ANO2: variants seen among roughly 807,000 people sequenced by gnomAD.
ANO2 encodes the protein anoctamin-2.
Under a neutral mutation model 124.2 loss-of-function variants are expected in ANO2, and 101 were observed. The ratio of observed to expected loss-of-function variants is 0.81; its 90% CI spans 0.69 to 0.96. The LOEUF (loss-of-function observed/expected upper bound fraction) is 0.96, where lower values mean the gene tolerates loss of function less well. Among genes scored for constraint, ANO2 ranks in the 40% least tolerant of loss-of-function variants. The pLI is 0.00. For missense variants in ANO2, 1,293 were observed against 1,274.5 expected (o/e 1.01, Z -0.22); for synonymous variants, 486 against 482.5 (o/e 1.01, Z -0.09).
chr12:5,627,723 C>T (rs149066872), intron 16 of ANO2, among the ~76,000 whole-genome samples: 344 of 152,336 alleles, frequency 2.3e-3, no homozygotes, highest in African/African-American at 8.0e-3. Flanking sequence ...TTTCCTCCTG[C>T]TCTTCTCTCC....
intron 10 of ANO2, 93 bp downstream of exon 10, chr12:5,799,414 G>T: frequency 1.8e-6 from 2 of 1,088,208 alleles, no homozygotes; most frequent in South Asian, 1.4e-5. Flanking sequence ...CCCTCCACTT[G>T]AGCAAAGGAC....
chr12:5,747,869 A>T (rs1951316314), intron 11 of ANO2, among the ~76,000 whole-genome samples: 1 of 152,058 alleles, frequency 6.6e-6, no homozygotes, highest in Non-Finnish European at 1.5e-5. Context: ...AACACCATCC[A>T]CTCTGACAGG....
At chr12:5,818,450 TATATATATATATATA>T (rs1565694010) in intron 7 of ANO2, among the ~76,000 whole-genome samples, 2 of 1,210 alleles carry the variant, frequency 1.7e-3, no homozygotes, top group Non-Finnish European at 6.1e-3. Context: ...ACTCATATTA[TATATATATATATATA>T]TATATATATA....
chr12:5,620,646 G>C (rs1272381211), intron 16 of ANO2, among the ~76,000 whole-genome samples: 7 of 152,020 alleles, frequency 4.6e-5, no homozygotes, highest in African/African-American at 1.5e-4. Context: ...GAATTCTATA[G>C]GAGTTGAACT....
In ANO2 at chr12:5,862,502, T is replaced by C. The variant is rs1955301081; in HGVS notation, c.535-8361A>G. Among the ~76,000 whole-genome samples, 1 of 152,136 alleles carries C rather than the reference T, an allele frequency of 6.6e-6. No homozygotes were observed. The highest frequency in any genetic ancestry group is 1.5e-5 in the Non-Finnish European group (1 of 68,024). ...CAGTCTCCACTCCGTGTATCACACA[T>C]CATTGCACTCCAACCAGAGGCAGCC... On this transcript the variant is annotated intron_variant, in intron 3 of 24. Transcript: ENST00000682330. This position sits in a 1 kb window ranked among gnomAD's most constrained non-coding sequence, Gnocchi z 4.0.
chr12:5,739,215 C>T, intron 13 of ANO2, 102 bp downstream of exon 13: 3 of 1,133,208 alleles, frequency 2.6e-6, no homozygotes, highest in South Asian at 1.3e-5. Context: ...CAGCCAGTGA[C>T]AGCAAACATA....
chr12:5,839,692 G>C, intron 4 of ANO2: 1 of 453,102 alleles, frequency 2.2e-6, no homozygotes, highest in Non-Finnish European at 4.4e-6. Context: ...TGTATGGAAT[G>C]TTTTGCAGTG....
Position 5,929,348 on chromosome 12 carries a change from G to A in ANO2, c.23-6544C>T, listed in dbSNP as rs1252709300. ...ACTAGTCTATCTTCTTTCCTCACTC[G>A]TCTGCCTTCTTTCCTTATTAGTCAC... On this transcript the variant is annotated intron_variant, in intron 1 of 24. Coordinates refer to ENST00000682330, the MANE Select transcript of ANO2 (RefSeq NM_001364791.2). Among the ~76,000 whole-genome samples the A allele has an allele frequency of 1.8e-4, 14 of 77,876 alleles. 1 individual carries two copies. Among genetic ancestry groups the A allele is most frequent in the East Asian group, 3.8e-4 (1 of 2,638 alleles). The allele number at this position is 77,876 out of a possible 152,430, so 51.1% of individuals were successfully genotyped here.
At chr12:5,665,647 C>G (rs956526821) in intron 14 of ANO2, among the ~76,000 whole-genome samples, 1 of 152,076 alleles carries the variant, frequency 6.6e-6, no homozygotes, top group Non-Finnish European at 1.5e-5. Context: ...TTCACCTGAG[C>G]GAGCCTCTCC....
intron 23 of ANO2, among the ~76,000 whole-genome samples, chr12:5,572,478 A>G (rs1391546487): frequency 6.6e-6 from 1 of 152,198 alleles, no homozygotes. Context: ...TGTTAGGTGC[A>G]GGGCCTCCCT....
chr12:5,649,233 G>A lies in ANO2; in HGVS notation c.1546-1432C>T, dbSNP rs1007262988. Among the ~76,000 whole-genome samples the A allele has an allele frequency of 2.6e-5, 4 of 152,168 alleles. No individual in the cohort carries two copies. The South Asian group carries it at 6.2e-4, about 24-fold the overall frequency. ...TCTCAGTGCATGCCTGGAACTGAGC[G>A]ATGGGTCGAGTTGGCTTACTAAATT... On this transcript the variant is annotated intron_variant, in intron 14 of 24. Coordinates refer to ENST00000682330, the MANE Select transcript of ANO2 (RefSeq NM_001364791.2).
chr12:5,834,586 A>C (rs1364683286), intron 4 of ANO2, among the ~76,000 whole-genome samples: 1 of 152,264 alleles, frequency 6.6e-6, no homozygotes, highest in Non-Finnish European at 1.5e-5. Context: ...AATAATGATA[A>C]GTAAGGACAG....
intron 10 of ANO2, among the ~76,000 whole-genome samples, chr12:5,764,031 T>C (rs1283731702): frequency 6.6e-6 from 1 of 152,244 alleles, no homozygotes. Flanking sequence ...GGGCTCATCT[T>C]ATGTTCTCCA....
At chr12:5,861,672 C>A (rs1195781479) in intron 3 of ANO2, among the ~76,000 whole-genome samples, 1 of 152,102 alleles carries the variant, frequency 6.6e-6, no homozygotes, top group South Asian at 2.1e-4. Flanking sequence ...AGCACATCGG[C>A]GCCCGGGAAT....
At chr12:5,750,748 A>T in intron 11 of ANO2, 88 bp downstream of exon 11, 1 of 1,359,628 alleles carries the variant, frequency 7.4e-7, no homozygotes, top group South Asian at 1.4e-5. Flanking sequence ...GGCTTTGGAA[A>T]GAGGCATGTG....
chr12:5,619,931 G>A (rs1945025303), intron 16 of ANO2, among the ~76,000 whole-genome samples: 1 of 152,202 alleles, frequency 6.6e-6, no homozygotes. Context: ...CCCAACTCAA[G>A]GCCTCGTAAA....
chr12:5,839,645 C>T (rs772672618), intron 4 of ANO2: 31 of 455,900 alleles, frequency 6.8e-5, no homozygotes, highest in South Asian at 4.0e-4. Flanking sequence ...TTGTGGTAAG[C>T]CCTGGAGAAA....
intron 15 of ANO2, among the ~76,000 whole-genome samples, chr12:5,638,385 G>A (rs1220611626): frequency 1.3e-5 from 2 of 148,316 alleles, no homozygotes; most frequent in African/African-American, 2.5e-5. Context: ...ACAGGCACCT[G>A]CCACCACTCC....
chr12:5,923,930 T>C (rs980969624), intron 1 of ANO2, among the ~76,000 whole-genome samples: 3 of 152,196 alleles, frequency 2.0e-5, no homozygotes, highest in African/African-American at 7.2e-5. Context: ...GCTTGTTCTC[T>C]AGCTGTAAAA....
Sources: gnomAD v4.1 joint callset for allele counts (sites outside exome capture counted in the v4.1 genomes callset) on GRCh38, gnomAD v4.1.1 for gene constraint, Gnocchi (gnomAD v3.1) non-coding constraint, MANE v1.5 for transcripts, NCBI Gene and HGNC (gene_info 2026-07-23, HGNC 2026-07-21) for gene names.